KCNJ12: variants seen among roughly 807,000 people sequenced by gnomAD.
KCNJ12 encodes potassium inwardly rectifying channel subfamily J member 12.
KCNJ12 carries 2 observed loss-of-function variants against 22.3 expected under a neutral mutation model. The observed-to-expected ratio is 0.09, with a 90% CI of 0.04 to 0.28. The LOEUF (loss-of-function observed/expected upper bound fraction) is 0.28. KCNJ12 is among the 10% of genes least tolerant of loss of function. The pLI is 1.00. For synonymous variants in KCNJ12, 117 were observed against 261.4 expected, an observed-to-expected ratio of 0.45 and a Z score of 5.33; for missense variants, 155 against 633.3, an observed-to-expected ratio of 0.24 and a Z score of 8.11.
At chr17:21,396,095 G>T (rs1380575717) in intron 1 of KCNJ12, among the ~76,000 whole-genome samples, 1 of 152,176 alleles carries the variant, frequency 6.6e-6, no homozygotes. Flanking sequence ...TGGGCCCCCG[G>T]GCGCAGGCAG....
At chr17:21,394,062 C>T (rs1905273017) in intron 1 of KCNJ12, among the ~76,000 whole-genome samples, 1 of 152,162 alleles carries the variant, frequency 6.6e-6, no homozygotes, top group African/African-American at 2.4e-5. Context: ...GTGAAGGCTA[C>T]CTCCCTTGGC....
At chr17:21,407,616 C>T (rs1401437704) in intron 1 of KCNJ12, among the ~76,000 whole-genome samples, 1 of 150,856 alleles carries the variant, frequency 6.6e-6, no homozygotes, top group East Asian at 2.0e-4. Flanking sequence ...TCCACCCATT[C>T]ACCCACCTAT....
chr17:21,376,437 C>G lies in KCNJ12; in HGVS notation c.-655C>G, dbSNP rs903294594. The G allele has an allele frequency of 1.3e-5, 2 of 152,004 alleles. No individual in the cohort carries two copies. Among genetic ancestry groups the G allele is most frequent in the Non-Finnish European group, 2.9e-5 (2 of 68,050 alleles). The allele number at this position is 152,004 out of a possible 1,614,324, so 9.4% of individuals were successfully genotyped here. A position where few individuals can be genotyped will look rare whatever the true frequency, so the allele number is the denominator to read the frequency against. The stretch of plus-strand genomic sequence containing the variant: ...CCTCTGCCTCCCGCCGCCTCCTCGC[C>G]CTCCATTCCTCGCTCCCCGTCTTCT... On this transcript the variant is annotated 5_prime_UTR_variant, in exon 1 of 3. Transcript: ENST00000583088. This position sits in a 1 kb window ranked among gnomAD's most constrained non-coding sequence, Gnocchi z 5.3.
intron 1 of KCNJ12, among the ~76,000 whole-genome samples, chr17:21,403,759 T>G (rs1905768300): frequency 6.6e-6 from 1 of 152,284 alleles, no homozygotes; most frequent in Non-Finnish European, 1.5e-5. Context: ...CTCCATGTAT[T>G]CACTCATGGA....
chr17:21,388,744 A>G (rs1368004289), intron 1 of KCNJ12, among the ~76,000 whole-genome samples: 2 of 152,198 alleles, frequency 1.3e-5, no homozygotes, highest in Non-Finnish European at 2.9e-5. Flanking sequence ...TGAATTCTCA[A>G]AATGTCCCAG....
At position 21,419,253 on chromosome 17, in the gene KCNJ12, C is replaced by G. The variant is rs1314435055; in HGVS notation, c.*2609C>G. ...GTGCACACATGCACACTCGGCTCTT[C>G]ATGTGTATGACTGGGTTAGTAATAC... is the stretch of plus-strand genomic sequence containing the variant. On this transcript the variant is annotated 3_prime_UTR_variant, in exon 3 of 3. Transcript: ENST00000583088. 6.0e-6 allele frequency: 1 copy of G among 166,300 alleles called. No individual in the cohort carries two copies. The highest frequency in any genetic ancestry group is 2.4e-5 in the African/African-American group (1 of 41,106). 10.3% of individuals were successfully genotyped at this position (166,300 alleles called of 1,614,324 possible).
At chr17:21,404,845 G>A (rs1340451164) in intron 1 of KCNJ12, among the ~76,000 whole-genome samples, 5 of 152,236 alleles carry the variant, frequency 3.3e-5, no homozygotes, top group Non-Finnish European at 7.3e-5. Context: ...TGTGACTGTC[G>A]TCCACTCTGT....
At chr17:21,410,032 C>G (rs1373496972) in intron 2 of KCNJ12, among the ~76,000 whole-genome samples, 1 of 152,144 alleles carries the variant, frequency 6.6e-6, no homozygotes, top group Non-Finnish European at 1.5e-5. Flanking sequence ...ACCACTCTCC[C>G]TCTCCCCTCC....
In KCNJ12 at chr17:21,417,646, G is replaced by A. The variant is rs1906925499; in HGVS notation, c.*1002G>A. On this transcript the variant is annotated 3_prime_UTR_variant, in exon 3 of 3. Coordinates refer to ENST00000583088, the MANE Select transcript of KCNJ12 (RefSeq NM_021012.5). ...GGAAGCTGGCAGCCCCGTCCCCACT[G>A]GGCCCACAGTGTGAGTCGTGCCTTA... 6.0e-6 allele frequency: 1 copy of A among 167,294 alleles called. No homozygotes were observed. Among genetic ancestry groups the A allele is most frequent in the Admixed American group, 6.5e-5 (1 of 15,286 alleles). The allele number at this position is 167,294 out of a possible 1,614,324, so 10.4% of individuals were successfully genotyped here.
At chr17:21,406,879 C>CA (rs1905974260) in intron 1 of KCNJ12, among the ~76,000 whole-genome samples, 1 of 152,290 alleles carries the variant, frequency 6.6e-6, no homozygotes, top group Admixed American at 6.5e-5. Flanking sequence ...TCAGGTGGCT[C>CA]ACCGTGGAGA....
chr17:21,379,537 T>C lies in KCNJ12; in HGVS notation c.-179+2624T>C, dbSNP rs531479234. Among the ~76,000 whole-genome samples, 13 of 152,272 alleles carry C rather than the reference T, an allele frequency of 8.5e-5. No individual in the cohort carries two copies. In the South Asian group the frequency reaches 2.7e-3, roughly 32 times the overall value. On this transcript the variant is annotated intron_variant, in intron 1 of 2. Coordinates refer to ENST00000583088, the MANE Select transcript of KCNJ12 (RefSeq NM_021012.5). ...CACCTGCCCCTCCCCGGGCCTGCCC[T>C]TGGAGCCCTGCCACCGGCTAGCGTG...
chr17:21,413,152 G>A (rs1381121975), intron 2 of KCNJ12, among the ~76,000 whole-genome samples: 4 of 127,638 alleles, frequency 3.1e-5, no homozygotes, highest in Admixed American at 1.6e-4. Flanking sequence ...GGCCGCACCC[G>A]CTCCGAGGCC....
chr17:21,396,508 C>T (rs1460912002), intron 1 of KCNJ12, among the ~76,000 whole-genome samples: 2 of 152,156 alleles, frequency 1.3e-5, no homozygotes, highest in Non-Finnish European at 2.9e-5. Context: ...ATGAGGACAC[C>T]GAGGCTCAGA....
chr17:21,417,885 G>A lies in KCNJ12; in HGVS notation c.*1241G>A, dbSNP rs1906937973. ...CAGAGTTCAGGCAGGGCACAGCCAG[G>A]CCCTGGTCAGCGCTGAATGGCAGAG... On this transcript the variant is annotated 3_prime_UTR_variant, in exon 3 of 3. Transcript: ENST00000583088. 2 of 167,900 alleles carry A rather than the reference G, an allele frequency of 1.2e-5. No individual in the cohort carries two copies. The highest frequency in any genetic ancestry group is 3.0e-3 in the Middle Eastern group (1 of 330). 10.4% of individuals were successfully genotyped at this position (167,900 alleles called of 1,614,324 possible). A position where few individuals can be genotyped will look rare whatever the true frequency, so the allele number is the denominator to read the frequency against.
At chr17:21,389,621 C>A (rs1449086824) in intron 1 of KCNJ12, among the ~76,000 whole-genome samples, 1 of 152,146 alleles carries the variant, frequency 6.6e-6, no homozygotes, top group Non-Finnish European at 1.5e-5. Context: ...GCCCTCAGAG[C>A]CCCATGGCTG....
intron 1 of KCNJ12, among the ~76,000 whole-genome samples, chr17:21,402,348 C>CT (rs1905665699): frequency 1.0e-5 from 1 of 98,314 alleles, no homozygotes; most frequent in South Asian, 3.0e-4. Flanking sequence ...TTTCCTCAGC[C>CT]TGTTTTTTTT....
rs1267624978 is a variant in KCNJ12, at chr17:21,412,276, C to T, written c.-56-3011C>T. Among the ~76,000 whole-genome samples, 4 of 152,232 alleles carry T rather than the reference C, an allele frequency of 2.6e-5. No homozygotes were observed. In the East Asian group the frequency reaches 7.7e-4, roughly 29 times the overall value. On this transcript the variant is annotated intron_variant, in intron 2 of 2. Transcript: ENST00000583088. ...GGTTTCCAAGCCTGTATGACACCAT[C>T]TGGGCAGGTCTGCGGTGCCCAGCCC...
chr17:21,379,795 G>C (rs537593815), intron 1 of KCNJ12, among the ~76,000 whole-genome samples: 2 of 150,710 alleles, frequency 1.3e-5, no homozygotes, highest in Admixed American at 6.6e-5. Flanking sequence ...GGTTGGGGGT[G>C]GGGGGGGGCC....
chr17:21,395,530 G>A (rs1174190312), intron 1 of KCNJ12, among the ~76,000 whole-genome samples: 4 of 112,984 alleles, frequency 3.5e-5, no homozygotes, highest in East Asian at 2.8e-4. Context: ...GCAGTGAGCC[G>A]AGATCGCACC....
Sources: gnomAD v4.1 joint callset for allele counts (sites outside exome capture counted in the v4.1 genomes callset) on GRCh38, gnomAD v4.1.1 for gene constraint, Gnocchi (gnomAD v3.1) non-coding constraint, MANE v1.5 for transcripts, NCBI Gene and HGNC (gene_info 2026-07-23, HGNC 2026-07-21) for gene names.